Variants in TRMT11 observed in about 807,000 individuals in gnomAD.
The protein encoded by TRMT11 is tRNA methyltransferase 11.
In TRMT11, 53 loss-of-function variants were observed where a neutral mutation model predicts 62.8. That is an observed-to-expected ratio of 0.84 (90% confidence interval 0.68 to 1.06). The LOEUF is 1.06. Among genes scored for constraint, TRMT11 ranks in the 50% least tolerant of loss-of-function variants. TRMT11 has a pLI of 0.00. For synonymous variants in TRMT11, 188 were observed against 190.3 expected (o/e 0.99, Z 0.10); for missense variants, 556 against 553.4 (o/e 1.00, Z -0.05).
intron 21 of TRMT11, among the ~76,000 whole-genome samples, chr6:126,117,513 T>A (rs146917955): frequency 4.2e-4 from 64 of 152,246 alleles, no homozygotes; most frequent in Non-Finnish European, 7.6e-4. Flanking sequence ...TCTCTCACGT[T>A]GAATGAGTAG....
At chr6:126,066,189 G>A in intron 17 of TRMT11, among the ~76,000 whole-genome samples, 1 of 152,228 alleles carries the variant, frequency 6.6e-6, no homozygotes, top group Non-Finnish European at 1.5e-5. Context: ...TCTGCCTCCA[G>A]GCCAGGGTGT....
intron 21 of TRMT11, among the ~76,000 whole-genome samples, chr6:126,122,266 A>G (rs1049707503): frequency 2.2e-4 from 34 of 152,090 alleles, no homozygotes; most frequent in African/African-American, 8.0e-4. Flanking sequence ...ATGAGAACAG[A>G]CTAATACAGG....
the TRMT11 span, among the ~76,000 whole-genome samples, chr6:126,219,597 C>T: frequency 1.3e-5 from 2 of 152,172 alleles, no homozygotes; most frequent in African/African-American, 4.8e-5. Context: ...CCCTTATTAG[C>T]CTCTGCATCT....
chr6:126,079,556 T>G (rs1370302254), intron 17 of TRMT11, among the ~76,000 whole-genome samples: 1 of 152,166 alleles, frequency 6.6e-6, no homozygotes, highest in Non-Finnish European at 1.5e-5. Context: ...TGTTATTTTG[T>G]TTTAGTTTAG....
chr6:126,004,782 G>A lies in TRMT11; in HGVS notation c.680-3610G>A, dbSNP rs542367156. On this transcript the variant is annotated intron_variant, in intron 7 of 12. Transcript: ENST00000334379. ...ATTGCTCACTTACTACTCATGGTTCGTGATTTTTCTCAGGGATATAGAGTA... is the reference window on the plus strand; with the variant it reads ...ATTGCTCACTTACTACTCATGGTTCATGATTTTTCTCAGGGATATAGAGTA... Among the ~76,000 whole-genome samples the A allele has an allele frequency of 8.5e-5, 13 of 152,100 alleles. No homozygotes were observed. The South Asian group carries it at 1.5e-3, about 17-fold the overall frequency.
chr6:126,077,362 A>G (rs1426381752), intron 17 of TRMT11, among the ~76,000 whole-genome samples: 1 of 152,186 alleles, frequency 6.6e-6, no homozygotes, highest in Admixed American at 6.5e-5. Flanking sequence ...CTTTGTCATC[A>G]CTACAGCATC....
chr6:126,132,038 C>T (rs1583884349), intron 21 of TRMT11, among the ~76,000 whole-genome samples: 1 of 152,016 alleles, frequency 6.6e-6, no homozygotes, highest in Non-Finnish European at 1.5e-5. Flanking sequence ...ACCCATTCTA[C>T]CTTCAATAGA....
At chr6:126,237,382 A>G in the TRMT11 span, among the ~76,000 whole-genome samples, 2 of 152,224 alleles carry the variant, frequency 1.3e-5, no homozygotes, top group East Asian at 3.9e-4. Context: ...ATTATCTTAA[A>G]TTTAAAAAGT....
chr6:126,172,689 C>T (rs555652819), upstream of TRMT11, among the ~76,000 whole-genome samples: 2 of 152,268 alleles, frequency 1.3e-5, no homozygotes, highest in African/African-American at 4.8e-5. Flanking sequence ...GCTGTTACCT[C>T]TGCAGGAAAT....
At chr6:126,234,522 A>G in the TRMT11 span, among the ~76,000 whole-genome samples, 104 of 152,226 alleles carry the variant, frequency 6.8e-4, no homozygotes, top group Non-Finnish European at 1.3e-3. Context: ...CTTGACAGAG[A>G]ACAGGCCCCA....
At chr6:126,121,273 G>T (rs183822255) in intron 21 of TRMT11, among the ~76,000 whole-genome samples, 1 of 152,226 alleles carries the variant, frequency 6.6e-6, no homozygotes, top group East Asian at 1.9e-4. Flanking sequence ...AAGTCTGACT[G>T]TCTCACTTCA....
At chr6:126,220,408 T>C in the TRMT11 span, among the ~76,000 whole-genome samples, 1 of 152,230 alleles carries the variant, frequency 6.6e-6, no homozygotes, top group Non-Finnish European at 1.5e-5. Flanking sequence ...ACTTCAGATC[T>C]CTATGTTATT....
rs760027049 is a variant in TRMT11 at position 126,031,368 on chromosome 6, G to A, written c.1261-7337G>A. 3.3e-5 allele frequency among the ~76,000 whole-genome samples: 5 copies of A among 152,108 alleles called. No individual in the cohort carries two copies. The South Asian group carries it at 1.0e-3, about 32-fold the overall frequency. On this transcript the variant is annotated intron_variant, in intron 12 of 12. Coordinates refer to ENST00000334379, the MANE Select transcript of TRMT11 (RefSeq NM_001031712.3). ...GCAACATGTGTTTATGGGACCATTCGTGTCAGGTGTTGGGGCTGAACAGAC... is the reference window on the plus strand; with the variant it reads ...GCAACATGTGTTTATGGGACCATTCATGTCAGGTGTTGGGGCTGAACAGAC...
At chr6:126,080,162 C>T (rs551659454) in intron 17 of TRMT11, among the ~76,000 whole-genome samples, 2 of 152,106 alleles carry the variant, frequency 1.3e-5, no homozygotes, top group African/African-American at 2.4e-5. Flanking sequence ...AGTGCAGTGG[C>T]GTGATCATAG....
chr6:126,089,591 C>G (rs2128165505), intron 17 of TRMT11, among the ~76,000 whole-genome samples: 1 of 152,296 alleles, frequency 6.6e-6, no homozygotes, highest in Admixed American at 6.5e-5. Context: ...AAGTTCTTGT[C>G]CTCTGCACTG....
intron 21 of TRMT11, among the ~76,000 whole-genome samples, chr6:126,153,998 C>A (rs1478495609): frequency 2.0e-5 from 3 of 152,144 alleles, no homozygotes; most frequent in African/African-American, 7.2e-5. Flanking sequence ...TGCGGTCTTA[C>A]GTGTTTGAGA....
chr6:126,261,045 C>T, the TRMT11 span, among the ~76,000 whole-genome samples: 1 of 152,170 alleles, frequency 6.6e-6, no homozygotes, highest in Non-Finnish European at 1.5e-5. Flanking sequence ...TCTTCTCCCT[C>T]TAAAACTACT....
the TRMT11 span, among the ~76,000 whole-genome samples, chr6:126,238,225 A>G: frequency 6.6e-6 from 1 of 151,952 alleles, no homozygotes; most frequent in East Asian, 1.9e-4. Context: ...TTCTGCGCTA[A>G]TCTTAGTTAT....
intron 17 of TRMT11, among the ~76,000 whole-genome samples, chr6:126,076,407 A>G (rs1037058584): frequency 1.3e-5 from 2 of 152,184 alleles, no homozygotes; most frequent in Non-Finnish European, 2.9e-5. Context: ...TCAAGAGACC[A>G]TTGAGCCAAG....
Sources: allele counts gnomAD v4.1 joint callset (sites outside exome capture counted in the v4.1 genomes callset), GRCh38; gene constraint gnomAD v4.1.1; transcripts MANE v1.5; gene names NCBI Gene and HGNC (gene_info 2026-07-23, HGNC 2026-07-21).